The following SLC26A2 variants were observed in gnomAD, a reference collection of about 807,000 sequenced individuals.
The protein encoded by SLC26A2 is sulfate transporter.
A neutral mutation model predicts 41.1 loss-of-function variants in SLC26A2; 36 were observed. The observed-to-expected ratio is 0.88, with a 90% confidence interval of 0.67 to 1.16. The LOEUF is 1.16. Ranked by LOEUF, SLC26A2 falls within the 50% of genes most tolerant of loss-of-function variation. The pLI is 0.00. For synonymous variants in SLC26A2, 291 were observed against 311.6 expected, an observed-to-expected ratio of 0.93 and a Z score of 0.70; for missense variants, 796 against 869.6, an observed-to-expected ratio of 0.92 and a Z score of 1.07.
chr5:149,967,142 A>C (rs1209096537), intron 1 of SLC26A2, among the ~76,000 whole-genome samples: 1 of 152,230 alleles, frequency 6.6e-6, no homozygotes, highest in Admixed American at 6.5e-5. Flanking sequence ...CAGTCTGAGC[A>C]ACAGAGTGAG....
In SLC26A2 at chr5:149,978,233, T is replaced by A. The variant is rs1402162343; in HGVS notation, c.581T>A (p.Leu194Ter). The change falls in exon 2 of 3, where the codon TTA (leucine) becomes TAA (stop). Residue 194 changes from leucine to a stop codon, truncating the protein, a stop_gained. Transcript: ENST00000286298. LOFTEE classifies it high-confidence loss of function. ...GACAATGCCCATAGTGCTCCTTCCTTAGGAATGGTTTCAAATGGGAGCACA... is the reference window on the plus strand; with the variant it reads ...GACAATGCCCATAGTGCTCCTTCCTAAGGAATGGTTTCAAATGGGAGCACA... ...GYDNAHSAPS[L>*]GMVSNGSTLL... 6.2e-7 allele frequency: 1 copy of A among 1,614,092 alleles called. No individual in the cohort carries two copies. The highest frequency in any genetic ancestry group is 1.7e-5 in the Admixed American group (1 of 60,014).
intron 1 of SLC26A2, among the ~76,000 whole-genome samples, chr5:149,977,163 C>A (rs1426393498): frequency 2.6e-5 from 4 of 152,198 alleles, no homozygotes; most frequent in African/African-American, 7.2e-5. Flanking sequence ...TAAAACAGGA[C>A]CATCTTCCTT....
At position 149,980,452 on chromosome 5, in the gene SLC26A2, A is replaced by T. The variant is rs770596928; in HGVS notation, c.859A>T (p.Ile287Phe). 1 of 1,614,118 alleles carries T rather than the reference A, an allele frequency of 6.2e-7. No individual in the cohort carries two copies. Among genetic ancestry groups the T allele is most frequent in the Non-Finnish European group, 8.5e-7 (1 of 1,180,010 alleles). ...LPRTNGVGSL[I>F]TTWIHVFRNI... is the part of the protein sequence containing the mutation. ...TCGGACTAATGGTGTGGGCTCACTC[A>T]TCACTACCTGGATACATGTCTTCAG... Residue 287 changes from isoleucine to phenylalanine, a missense_variant, in exon 3 of 3, where the codon ATC (isoleucine) becomes TTC (phenylalanine). Transcript: ENST00000286298.
intron 1 of SLC26A2, among the ~76,000 whole-genome samples, chr5:149,975,392 G>C (rs558238060): frequency 2.6e-5 from 4 of 152,284 alleles, no homozygotes; most frequent in African/African-American, 9.6e-5. Context: ...CCAGATAGCA[G>C]CCATACTGGG....
chr5:149,961,643 G>A (rs1230614372), intron 1 of SLC26A2, among the ~76,000 whole-genome samples: 5 of 152,212 alleles, frequency 3.3e-5, no homozygotes, highest in Non-Finnish European at 7.3e-5. Flanking sequence ...ATCACAGTGA[G>A]TTAGAAACAT....
chr5:149,981,097 C>G lies in SLC26A2; in HGVS notation c.1504C>G (p.Pro502Ala). 1 of 1,614,094 alleles carries G rather than the reference C, an allele frequency of 6.2e-7. No homozygotes were observed. The highest frequency in any genetic ancestry group is 8.5e-7 in the Non-Finnish European group (1 of 1,179,994). ...RGALRKFRDL[P>A]KMWSISRMDT... The stretch of plus-strand genomic sequence containing the variant: ...AGCCCTTCGTAAATTTAGGGATCTT[C>G]CCAAAATGTGGAGTATTAGTAGAAT... The change falls in exon 3 of 3, where the codon CCC becomes GCC. Residue 502 changes from proline (P) to alanine (A), a missense_variant. Pro to Ala is a conservative substitution (Grantham distance 27, BLOSUM62 -1). Coordinates refer to ENST00000286298, the MANE Select transcript of SLC26A2 (RefSeq NM_000112.4).
At position 149,963,538 on chromosome 5, in the gene SLC26A2, A is replaced by C. The variant is rs1481538495; in HGVS notation, c.-26+2559A>C. 2.0e-5 allele frequency among the ~76,000 whole-genome samples: 3 copies of C among 151,396 alleles called. No individual in the cohort carries two copies. In the South Asian group the frequency reaches 6.3e-4, roughly 32 times the overall value. Reference sequence around the variant, plus strand: ...GTGATCCGCCTGCCTCCGCCTCCCAAAGTACTGGGATTACAAGCGTGAGCC... The same window carrying C: ...GTGATCCGCCTGCCTCCGCCTCCCACAGTACTGGGATTACAAGCGTGAGCC... On this transcript the variant is annotated intron_variant, in intron 1 of 2. Transcript: ENST00000286298.
At chr5:149,974,327 CAT>C (rs1235474455) in intron 1 of SLC26A2, among the ~76,000 whole-genome samples, 2 of 151,924 alleles carry the variant, frequency 1.3e-5, no homozygotes, top group Admixed American at 6.6e-5. Flanking sequence ...GCTTGAATAT[CAT>C]ATGTGTAGGT....
chr5:149,961,632 G>GA (rs1257465297), intron 1 of SLC26A2, among the ~76,000 whole-genome samples: 1 of 152,152 alleles, frequency 6.6e-6, no homozygotes, highest in Non-Finnish European at 1.5e-5. Context: ...ACAGATTGGG[G>GA]ATCACAGTGA....
intron 2 of SLC26A2, 98 bp downstream of exon 2, chr5:149,978,449 G>GA: frequency 9.4e-7 from 1 of 1,066,364 alleles, no homozygotes; most frequent in South Asian, 1.3e-5. Context: ...ATAATTAAAG[G>GA]TATCATTTAT....
Position 149,977,875 on chromosome 5 carries a change from CAGA to C in SLC26A2, c.228_230del (p.Lys76del), listed in dbSNP as rs1204857377. 45 of 1,614,006 alleles carry C rather than the reference CAGA, an allele frequency of 2.8e-5. No individual in the cohort carries two copies. In the Admixed American group the frequency reaches 7.5e-4, roughly 27 times the overall value. ...CAAGGAGTTTGTTATTAAAAAGCTG[CAGA>C]AGAATTGCCAGTGCAGTCCAGCCAA... On this transcript the variant is annotated inframe_deletion, in exon 2 of 3. Coordinates refer to ENST00000286298, the MANE Select transcript of SLC26A2 (RefSeq NM_000112.4).
rs1245165665 is a variant in SLC26A2 at position 149,982,499 on chromosome 5, T to G, written c.*686T>G. ...TTGGAAATTTTTACTCATGCCTTTT[T>G]GTTTAGGATAAATAGGTAAGCACAA... On this transcript the variant is annotated 3_prime_UTR_variant, in exon 3 of 3. Transcript: ENST00000286298. 1 of 152,204 alleles carries G rather than the reference T, an allele frequency of 6.6e-6. No homozygotes were observed. Among genetic ancestry groups the G allele is most frequent in the African/African-American group, 2.4e-5 (1 of 41,458 alleles). The allele number at this position is 152,204 out of a possible 1,614,324, so 9.4% of individuals were successfully genotyped here.
chr5:149,977,916 G>A lies in SLC26A2; in HGVS notation c.264G>A (p.Met88Ile), dbSNP rs1204157806. 6 of 1,614,070 alleles carry A rather than the reference G, an allele frequency of 3.7e-6. No homozygotes were observed. The highest frequency in any genetic ancestry group is 1.7e-5 in the Admixed American group (1 of 60,004). ...CQCSPAKAKN[M>I]ILGFLPVLQW... ...GCAGTCCAGCCAAAGCCAAAAATAT[G>A]ATTTTAGGTTTCCTTCCTGTTTTGC... Residue 88 changes from methionine (M) to isoleucine (I), a missense_variant, in exon 2 of 3, where the codon ATG becomes ATA. Transcript: ENST00000286298.
rs1240257956 is a variant in SLC26A2, at chr5:149,980,563, C to T, written c.970C>T (p.His324Tyr). Residue 324 changes from histidine to tyrosine, a missense_variant, in exon 3 of 3, where the codon CAC becomes TAC. By Grantham distance (83) the His-to-Tyr change is moderately conservative (BLOSUM62 2). Coordinates refer to ENST00000286298, the MANE Select transcript of SLC26A2 (RefSeq NM_000112.4). ...TTTGCCAACCAAAGAACTCAATGAA[C>T]ACTTCAAATCCAAGCTTAAGGCACC... ...VLLPTKELNE[H>Y]FKSKLKAPIP... The T allele has an allele frequency of 5.6e-6, 9 of 1,614,170 alleles. No homozygotes were observed. The highest frequency in any genetic ancestry group is 7.6e-6 in the Non-Finnish European group (9 of 1,180,028).
At chr5:149,965,526 A>G (rs1223666818) in intron 1 of SLC26A2, among the ~76,000 whole-genome samples, 2 of 148,066 alleles carry the variant, frequency 1.4e-5, no homozygotes, top group Admixed American at 6.8e-5. Flanking sequence ...TTGGAAAATT[A>G]TTTCTAAACT....
chr5:149,960,770 T>A lies in SLC26A2; in HGVS notation c.-235T>A, dbSNP rs760297706. On this transcript the variant is annotated 5_prime_UTR_variant, in exon 1 of 3. Transcript: ENST00000286298. ...CTCGGCCGCGGGCGTTTACACTGGCTCTGCCTCCGGCATCTCTTCGCCGGT... is the reference window on the plus strand; with the variant it reads ...CTCGGCCGCGGGCGTTTACACTGGCACTGCCTCCGGCATCTCTTCGCCGGT... The A allele has an allele frequency of 6.6e-6, 1 of 152,296 alleles. No individual in the cohort carries two copies. The highest frequency in any genetic ancestry group is 1.5e-5 in the Non-Finnish European group (1 of 68,080). 9.4% of individuals were successfully genotyped at this position (152,296 alleles called of 1,614,324 possible). A position where few individuals can be genotyped will look rare whatever the true frequency, so the allele number is the denominator to read the frequency against.
intron 1 of SLC26A2, among the ~76,000 whole-genome samples, chr5:149,969,691 C>G (rs1300240540): frequency 6.6e-6 from 1 of 152,200 alleles, no homozygotes; most frequent in Non-Finnish European, 1.5e-5. Flanking sequence ...CTCGTGACTT[C>G]TTGGAATTGC....
Position 149,980,424 on chromosome 5 carries a change from T to G in SLC26A2, c.831T>G (p.Leu277=). 6.2e-7 allele frequency: 1 copy of G among 1,614,084 alleles called. No homozygotes were observed. The highest frequency in any genetic ancestry group is 8.5e-7 in the Non-Finnish European group (1 of 1,180,000). ...SQAKYLLGLN[L]PRTNGVGSLI... ...CCAAGTATCTTCTTGGGCTCAACCT[T>G]CCTCGGACTAATGGTGTGGGCTCAC... Residue 277 remains leucine (L), a synonymous_variant, in exon 3 of 3, where the codon CTT becomes CTG. Coordinates refer to ENST00000286298, the MANE Select transcript of SLC26A2 (RefSeq NM_000112.4).
rs746291695 is a variant in SLC26A2 at position 149,981,661 on chromosome 5, G to C, written c.2068G>C (p.Val690Leu). ...QVLLAQCNPTVRDSLTNGEYC... is the reference protein window; with the variant it reads ...QVLLAQCNPTLRDSLTNGEYC... Reference sequence around the variant, plus strand: ...TCTGCTGGCTCAGTGCAATCCCACTGTGAGGGATTCCCTAACCAACGGAGA... The same window carrying C: ...TCTGCTGGCTCAGTGCAATCCCACTCTGAGGGATTCCCTAACCAACGGAGA... Residue 690 changes from valine (V) to leucine (L), a missense_variant, in exon 3 of 3, where the codon GTG becomes CTG. Transcript: ENST00000286298. 2 of 1,613,610 alleles carry C rather than the reference G, an allele frequency of 1.2e-6. No homozygotes were observed. Among genetic ancestry groups the C allele is most frequent in the African/African-American group, 2.7e-5 (2 of 74,918 alleles).
Sources: gnomAD v4.1 joint callset for allele counts (sites outside exome capture counted in the v4.1 genomes callset) on GRCh38, gnomAD v4.1.1 for gene constraint, MANE v1.5 for transcripts, NCBI Gene and HGNC (gene_info 2026-07-23, HGNC 2026-07-21) for gene names.